The following EEA1 variants were observed in gnomAD, a reference collection of about 807,000 sequenced individuals.
The protein encoded by EEA1 is early endosome antigen 1.
In EEA1, 111 loss-of-function variants were observed where a neutral mutation model predicts 209.2. That is an observed-to-expected ratio of 0.53 (90% CI 0.45 to 0.62). EEA1 has a LOEUF of 0.62. Among genes scored for constraint, EEA1 ranks in the 20% least tolerant of loss-of-function variants. EEA1 has a pLI of 0.00. For missense variants in EEA1, 1,343 were observed against 1,530.8 expected (o/e 0.88, Z 2.05); for synonymous variants, 536 against 540.6 (o/e 0.99, Z 0.12).
chr12:92,852,364 C>T lies in EEA1; in HGVS notation c.521-68G>A, dbSNP rs950713702. 5 of 1,091,782 alleles carry T rather than the reference C, an allele frequency of 4.6e-6. No homozygotes were observed. The African/African-American group carries it at 6.6e-5, about 14-fold the overall frequency. 67.6% of individuals were successfully genotyped at this position (1,091,782 alleles called of 1,614,324 possible). Reference sequence around the variant, plus strand: ...CAGTTTTATAAGTTTCCATATATTACTCTGCATATCTGTATATCACTCTAA... The same window carrying T: ...CAGTTTTATAAGTTTCCATATATTATTCTGCATATCTGTATATCACTCTAA... On this transcript the variant is annotated intron_variant, in intron 7 of 28. Transcript: ENST00000322349.
At chr12:92,898,260 CA>C (rs1458165442) in intron 1 of EEA1, among the ~76,000 whole-genome samples, 1 of 152,024 alleles carries the variant, frequency 6.6e-6, no homozygotes, top group Non-Finnish European at 1.5e-5. Context: ...CATGCCATGA[CA>C]AAGGGGAAAT....
chr12:92,805,232 G>A (rs1478511012), intron 18 of EEA1, among the ~76,000 whole-genome samples: 1 of 152,044 alleles, frequency 6.6e-6, no homozygotes, highest in Non-Finnish European at 1.5e-5. Flanking sequence ...AAATACCTAG[G>A]CACTGGAAAC....
intron 1 of EEA1, among the ~76,000 whole-genome samples, chr12:92,925,181 C>CAAAA (rs796274410): frequency 1.8e-4 from 22 of 119,844 alleles, no homozygotes; most frequent in African/African-American, 6.4e-4. Context: ...AAAGATGTCT[C>CAAAA]AAAAAAAAAA....
chr12:92,860,203 C>T (rs1878076417), intron 3 of EEA1, among the ~76,000 whole-genome samples: 1 of 152,190 alleles, frequency 6.6e-6, no homozygotes, highest in Non-Finnish European at 1.5e-5. Flanking sequence ...TGATGCCATA[C>T]AGGGAAGTCA....
intron 2 of EEA1, among the ~76,000 whole-genome samples, chr12:92,887,586 G>A (rs1401396065): frequency 6.6e-6 from 1 of 152,046 alleles, no homozygotes; most frequent in African/African-American, 2.4e-5. Flanking sequence ...GAGCCCAGGA[G>A]TTTGAGGTGC....
Position 92,831,437 on chromosome 12 carries a change from T to C in EEA1, c.1254+1075A>G. On this transcript the variant is annotated intron_variant, in intron 11 of 28. Coordinates refer to ENST00000322349, the MANE Select transcript of EEA1 (RefSeq NM_003566.4). ...TTTACCTACACAAAATACTTTTGTG[T>C]AGGTAAATAATGTAGTTCAAAATAT... Among the ~76,000 whole-genome samples the C allele has an allele frequency of 1.3e-5, 2 of 149,686 alleles. 1 individual carries two copies. Among genetic ancestry groups the C allele is most frequent in the South Asian group, 4.3e-4 (2 of 4,636 alleles).
intron 5 of EEA1, among the ~76,000 whole-genome samples, 176 bp from the exon 6 acceptor site, chr12:92,854,130 C>T (rs868613962): frequency 6.6e-6 from 1 of 152,154 alleles, no homozygotes; most frequent in Non-Finnish European, 1.5e-5. Flanking sequence ...GACCAGCAGG[C>T]AGACTAGCCT....
At position 92,847,319 on chromosome 12, in the gene EEA1, T is replaced by C. The variant is rs146903556; in HGVS notation, c.798+3792A>G. ...GTGTTTTGTTTCTGATGCCAATATT[T>C]AGGTTTGGTAAAAACAGCAACATCC... On this transcript the variant is annotated intron_variant, in intron 9 of 28. Coordinates refer to ENST00000322349, the MANE Select transcript of EEA1 (RefSeq NM_003566.4). Among the ~76,000 whole-genome samples the C allele has an allele frequency of 1.5e-3, 235 of 152,304 alleles. 1 individual carries two copies. Among genetic ancestry groups the C allele is most frequent in the African/African-American group, 5.3e-3 (220 of 41,558 alleles).
At chr12:92,812,346 C>T (rs1040309251) in intron 16 of EEA1, among the ~76,000 whole-genome samples, 4 of 151,530 alleles carry the variant, frequency 2.6e-5, no homozygotes, top group African/African-American at 9.7e-5. Flanking sequence ...AAAAAAAGAC[C>T]AATAACTAAT....
At chr12:92,863,659 A>G (rs1180191780) in intron 3 of EEA1, among the ~76,000 whole-genome samples, 2 of 152,226 alleles carry the variant, frequency 1.3e-5, no homozygotes, top group Admixed American at 1.3e-4. Flanking sequence ...TTAAACCACT[A>G]TGTTCTTTGG....
intron 1 of EEA1, 143 bp downstream of exon 1, chr12:92,928,900 G>C: frequency 3.8e-6 from 2 of 532,432 alleles, no homozygotes; most frequent in East Asian, 5.4e-5. Flanking sequence ...CCCCCGGGCC[G>C]GGCGACCGAG....
chr12:92,822,435 T>C (rs1283355682), intron 13 of EEA1, among the ~76,000 whole-genome samples: 1 of 152,246 alleles, frequency 6.6e-6, no homozygotes, highest in Non-Finnish European at 1.5e-5. Context: ...TTAGCAACAT[T>C]ATCAATTTAC....
At chr12:92,910,215 T>C (rs1220156025) in intron 1 of EEA1, among the ~76,000 whole-genome samples, 10 of 151,524 alleles carry the variant, frequency 6.6e-5, no homozygotes, top group Non-Finnish European at 1.5e-4. Flanking sequence ...CTCACACCTA[T>C]AATCCCAGCA....
intron 15 of EEA1, among the ~76,000 whole-genome samples, chr12:92,813,731 T>C (rs1038883663): frequency 6.6e-6 from 1 of 152,020 alleles, no homozygotes; most frequent in Non-Finnish European, 1.5e-5. Flanking sequence ...AAGCAAAAAA[T>C]AGGCCAAGTG....
chr12:92,857,226 TA>T, intron 5 of EEA1, 48 bp downstream of exon 5: 1 of 1,433,330 alleles, frequency 7.0e-7, no homozygotes, highest in South Asian at 1.4e-5. Context: ...TTTTCAACAA[TA>T]AAAATAAACA....
chr12:92,897,810 T>C (rs1324631053), intron 1 of EEA1, among the ~76,000 whole-genome samples: 2 of 152,128 alleles, frequency 1.3e-5, no homozygotes, highest in Non-Finnish European at 2.9e-5. Flanking sequence ...AGCGAGACTC[T>C]GTCTCATCAA....
Position 92,782,138 on chromosome 12 carries a change from T to A in EEA1, c.3151-3A>T, listed in dbSNP as rs1873934802. On this transcript the variant is annotated splice_region_variant and splice_polypyrimidine_tract_variant and intron_variant, in intron 22 of 28. Transcript: ENST00000322349. The stretch of plus-strand genomic sequence containing the variant: ...AGAGAAAGCTTCTCTTCTACAGACT[T>A]ACAAAAACAATTTTCCCAAATTATT... 1 of 1,587,426 alleles carries A rather than the reference T, an allele frequency of 6.3e-7. No individual in the cohort carries two copies. Among genetic ancestry groups the A allele is most frequent in the Admixed American group, 1.8e-5 (1 of 55,220 alleles).
At chr12:92,914,657 T>A (rs900861575) in intron 1 of EEA1, among the ~76,000 whole-genome samples, 6 of 151,430 alleles carry the variant, frequency 4.0e-5, no homozygotes, top group African/African-American at 1.5e-4. Flanking sequence ...CAAGACCTTG[T>A]CTCTACAATT....
chr12:92,909,607 G>A (rs1247611612), intron 1 of EEA1, among the ~76,000 whole-genome samples: 1 of 152,222 alleles, frequency 6.6e-6, no homozygotes. Flanking sequence ...CAAATGTAAT[G>A]GTATTGAGAA....
Sources: gnomAD v4.1 joint callset for allele counts (sites outside exome capture counted in the v4.1 genomes callset) on GRCh38, gnomAD v4.1.1 for gene constraint, MANE v1.5 for transcripts, NCBI Gene and HGNC (gene_info 2026-07-23, HGNC 2026-07-21) for gene names.